AP1G1: variants seen among roughly 807,000 people sequenced by gnomAD.
AP1G1 encodes the protein AP-1 complex subunit gamma-1.
Under a neutral mutation model 108.3 loss-of-function variants are expected in AP1G1, and 7 were observed. The observed-to-expected ratio is 0.06, with a 90% confidence interval of 0.04 to 0.12. The LOEUF (loss-of-function observed/expected upper bound fraction) is 0.12. Among genes scored for constraint, AP1G1 ranks in the 10% least tolerant of loss-of-function variants. AP1G1 has a pLI of 1.00. For missense variants in AP1G1, 756 were observed against 1,010.7 expected (o/e 0.75, Z 3.42); for synonymous variants, 379 against 353.5 (o/e 1.07, Z -0.81).
At chr16:71,743,336 T>TAACCATCC (rs2029968362) in intron 19 of AP1G1, 1 of 152,154 alleles carries the variant, frequency 6.6e-6, no homozygotes, top group South Asian at 2.1e-4. Context: ...TGAGCTTAGC[T>TAACCATCC]AACCATCCAA....
intron 10 of AP1G1, among the ~76,000 whole-genome samples, chr16:71,761,110 A>AT (rs1209116478): frequency 1.3e-5 from 2 of 152,082 alleles, no homozygotes; most frequent in Admixed American, 6.6e-5. Context: ...ACATCAAAAT[A>AT]TTTTTTTCAT....
chr16:71,801,553 T>G (rs918190278), intron 1 of AP1G1, among the ~76,000 whole-genome samples: 1 of 152,160 alleles, frequency 6.6e-6, no homozygotes, highest in African/African-American at 2.4e-5. Context: ...GTAAACACTA[T>G]AGGGTAAACA....
intron 12 of AP1G1, among the ~76,000 whole-genome samples, chr16:71,755,432 G>C (rs1485275923): frequency 6.6e-6 from 1 of 151,818 alleles, no homozygotes; most frequent in Non-Finnish European, 1.5e-5. Flanking sequence ...GTGAGACCCT[G>C]TCTCAAAAAA....
At position 71,795,861 on chromosome 16, in the gene AP1G1, T is replaced by C. The variant is rs896679858; in HGVS notation, c.-3-6379A>G. ...CCTATTTCCCCTATATGAAGAAATG[T>C]GTTCACAGAAGGGAAATGGTCTACA... On this transcript the variant is annotated intron_variant, in intron 1 of 22. Transcript: ENST00000299980. 5.9e-5 allele frequency among the ~76,000 whole-genome samples: 9 copies of C among 152,312 alleles called. No individual in the cohort carries two copies. In the South Asian group the frequency reaches 1.9e-3, roughly 32 times the overall value.
In AP1G1 at chr16:71,803,412, T is replaced by C. The variant is rs142742112; in HGVS notation, c.-4+5351A>G. Among the ~76,000 whole-genome samples the C allele has an allele frequency of 2.6e-5, 4 of 152,172 alleles. No individual in the cohort carries two copies. In the East Asian group the frequency reaches 7.7e-4, roughly 29 times the overall value. On this transcript the variant is annotated intron_variant, in intron 1 of 22. Transcript: ENST00000299980. ...TTTTAAAGTAAAATTTCCAAGTACC[T>C]AGTGAAAAAAAGCATTTCTCATTTC...
intron 1 of AP1G1, 62 bp from the exon 2 acceptor site, chr16:71,789,544 C>A: frequency 1.3e-6 from 2 of 1,482,450 alleles, no homozygotes; most frequent in Non-Finnish European, 1.9e-6. Flanking sequence ...GCTATTCACA[C>A]AACTTCCCAT....
intron 6 of AP1G1, chr16:71,766,363 T>A (rs2031312878): frequency 2.4e-6 from 1 of 423,588 alleles, no homozygotes; most frequent in African/African-American, 2.1e-5. Context: ...TCCTTTACTT[T>A]ATCCATTAAG....
chr16:71,793,020 T>G (rs2032460664), intron 1 of AP1G1, among the ~76,000 whole-genome samples: 1 of 144,586 alleles, frequency 6.9e-6, no homozygotes, highest in Non-Finnish European at 1.5e-5. Context: ...ATAAACAAAA[T>G]GAGCCAGGCA....
intron 1 of AP1G1, among the ~76,000 whole-genome samples, chr16:71,794,167 C>T (rs1250618701): frequency 6.6e-6 from 1 of 152,184 alleles, no homozygotes; most frequent in African/African-American, 2.4e-5. Context: ...GTTCAGATAC[C>T]ATCTGCCCTT....
At chr16:71,766,450 T>C in intron 6 of AP1G1, 1 of 468,670 alleles carries the variant, frequency 2.1e-6, no homozygotes, top group Non-Finnish European at 4.4e-6. Flanking sequence ...TTCATTTCTG[T>C]TGATCAATTA....
intron 13 of AP1G1, 29 bp from the exon 14 acceptor site, chr16:71,750,361 A>G: frequency 1.2e-6 from 2 of 1,611,172 alleles, no homozygotes; most frequent in Non-Finnish European, 1.7e-6. Context: ...AATTACCCCT[A>G]GAAACACACA....
At chr16:71,745,452 A>G (rs773973976) in intron 18 of AP1G1, 21 bp downstream of exon 18, 6 of 1,613,948 alleles carry the variant, frequency 3.7e-6, no homozygotes, top group Admixed American at 1.7e-5. Flanking sequence ...GCCCCAGATG[A>G]GCAAGTGAAA....
intron 1 of AP1G1, among the ~76,000 whole-genome samples, chr16:71,800,900 C>G (rs2032772720): frequency 6.6e-6 from 1 of 152,182 alleles, no homozygotes; most frequent in Admixed American, 6.5e-5. Context: ...GAGGCTGAGG[C>G]AGGAGAATCA....
chr16:71,733,678 T>C (rs1306091372), intron 22 of AP1G1, among the ~76,000 whole-genome samples: 1 of 152,218 alleles, frequency 6.6e-6, no homozygotes, highest in East Asian at 1.9e-4. Flanking sequence ...CCTAGTAACA[T>C]TTTGCTGAGT....
intron 15 of AP1G1, 53 bp downstream of exon 15, chr16:71,749,841 C>G: frequency 6.9e-7 from 1 of 1,456,438 alleles, no homozygotes; most frequent in Non-Finnish European, 9.6e-7. Context: ...CACTACTCTC[C>G]TATAACCAAA....
At chr16:71,754,253 G>A (rs2030655587) in intron 12 of AP1G1, among the ~76,000 whole-genome samples, 1 of 141,138 alleles carries the variant, frequency 7.1e-6, no homozygotes, top group South Asian at 2.2e-4. Flanking sequence ...GAGAAGAGAA[G>A]AAAGAAAAGA....
chr16:71,739,409 G>T, intron 19 of AP1G1, 68 bp from the exon 20 acceptor site: 2 of 1,264,964 alleles, frequency 1.6e-6, no homozygotes, highest in Non-Finnish European at 2.2e-6. Flanking sequence ...GAAATTATAG[G>T]GAAAATTATT....
At chr16:71,768,978 C>CAAAAAAAAAAAAAAA (rs59451625) in intron 6 of AP1G1, among the ~76,000 whole-genome samples, 1 of 65,018 alleles carries the variant, frequency 1.5e-5, no homozygotes, top group Admixed American at 2.5e-4. Flanking sequence ...AAAAAAAATA[C>CAAAAAAAAAAAAAAA]AAAAAAAAAA....
In AP1G1 at chr16:71,729,458, C is replaced by G. The variant is rs1483240393; in HGVS notation, c.*3600G>C. ...AAAAAAAAAAAAAAAAAAACCAACT[C>G]CAAGGCTCCATCTTGAAGCCAGAAT... On this transcript the variant is annotated 3_prime_UTR_variant, in exon 23 of 23. Transcript: ENST00000299980. 1.3e-5 allele frequency: 2 copies of G among 150,558 alleles called. No homozygotes were observed. The highest frequency in any genetic ancestry group is 4.9e-5 in the African/African-American group (2 of 40,934). 9.3% of individuals were successfully genotyped at this position (150,558 alleles called of 1,614,324 possible). A position where few individuals can be genotyped will look rare whatever the true frequency, so the allele number is the denominator to read the frequency against.
Sources: gnomAD v4.1 joint callset for allele counts (sites outside exome capture counted in the v4.1 genomes callset) on GRCh38, gnomAD v4.1.1 for gene constraint, MANE v1.5 for transcripts, NCBI Gene and HGNC (gene_info 2026-07-23, HGNC 2026-07-21) for gene names.